FAAH2: variants seen among roughly 807,000 people sequenced by gnomAD.
FAAH2 encodes the protein fatty-acid amide hydrolase 2.
FAAH2 carries 60 observed loss-of-function variants against 36.9 expected under a neutral mutation model. The ratio of observed to expected loss-of-function variants is 1.63; its 90% CI spans 1.32 to 2.02. FAAH2 has a LOEUF of 2.02. Among genes scored for constraint, FAAH2 ranks in the 30% most tolerant of loss-of-function variants. The pLI is 0.00. For missense variants in FAAH2, 689 were observed against 397.5 expected, an observed-to-expected ratio of 1.73 and a Z score of -6.23; for synonymous variants, 214 against 143.8, an observed-to-expected ratio of 1.49 and a Z score of -3.49.
chrX:57,368,504 A>G (rs2054474927), intron 5 of FAAH2, among the ~76,000 whole-genome samples: 1 of 111,444 alleles, frequency 9.0e-6, no homozygotes, highest in Non-Finnish European at 1.9e-5. Context: ...ATGGAACAAC[A>G]CACATATGAA....
At chrX:57,349,334 T>C (rs1264595869) in intron 5 of FAAH2, among the ~76,000 whole-genome samples, 10 of 97,293 alleles carry the variant, frequency 1.0e-4, no homozygotes, top group African/African-American at 3.3e-4. Context: ...TATACACATA[T>C]ATAATGTTTT....
At chrX:57,442,103 G>C (rs981063683) in intron 8 of FAAH2, among the ~76,000 whole-genome samples, 3 of 111,483 alleles carry the variant, frequency 2.7e-5, no homozygotes, top group Non-Finnish European at 5.6e-5. Flanking sequence ...GGGGTGGAGA[G>C]TTCTGTAGAT....
At chrX:57,452,991 T>C (rs1337492188) in intron 10 of FAAH2, among the ~76,000 whole-genome samples, 3 of 111,989 alleles carry the variant, frequency 2.7e-5, no homozygotes, top group Non-Finnish European at 5.6e-5. Context: ...TCCAGACCCA[T>C]GTTACACAGC....
At chrX:57,334,297 C>CACACACACAT (rs2053488100) in intron 4 of FAAH2, among the ~76,000 whole-genome samples, 1 of 109,258 alleles carries the variant, frequency 9.2e-6, no homozygotes, top group East Asian at 2.9e-4. Context: ...CACACACACA[C>CACACACACAT]AAAGATGGGA....
At chrX:57,435,033 T>C (rs1395802935) in intron 8 of FAAH2, among the ~76,000 whole-genome samples, 1 of 111,566 alleles carries the variant, frequency 9.0e-6, no homozygotes, top group Non-Finnish European at 1.9e-5. Context: ...TTAAGCTTCA[T>C]AAATGAAGGA....
chrX:57,123,672 C>T, the FAAH2 span, among the ~76,000 whole-genome samples: 2 of 112,161 alleles, frequency 1.8e-5, no homozygotes, highest in Non-Finnish European at 3.8e-5. Context: ...CTGTTGTTTC[C>T]TTACTTTTTA....
the FAAH2 span, among the ~76,000 whole-genome samples, chrX:57,275,651 T>A: frequency 8.0e-5 from 9 of 111,839 alleles, no homozygotes; most frequent in African/African-American, 2.9e-4. Context: ...AGTCGAGACC[T>A]GCTAGTGTGC....
At chrX:57,220,276 C>T in the FAAH2 span, among the ~76,000 whole-genome samples, 28 of 109,322 alleles carry the variant, frequency 2.6e-4, no homozygotes, top group Admixed American at 6.9e-4. Flanking sequence ...GCTGTATCCA[C>T]TTATTTTTCT....
the FAAH2 span, among the ~76,000 whole-genome samples, chrX:57,182,003 A>G: frequency 8.9e-6 from 1 of 112,096 alleles, no homozygotes; most frequent in Non-Finnish European, 1.9e-5. Flanking sequence ...TCAATAAATG[A>G]TGCTGGGATA....
intron 2 of FAAH2, among the ~76,000 whole-genome samples, chrX:57,302,119 G>C: frequency 9.0e-6 from 1 of 111,595 alleles, no homozygotes; most frequent in Non-Finnish European, 1.9e-5. Flanking sequence ...GAATGACATA[G>C]AAAATGGTCA....
chrX:57,206,890 T>A, the FAAH2 span, among the ~76,000 whole-genome samples: 1 of 111,824 alleles, frequency 8.9e-6, no homozygotes, highest in South Asian at 3.7e-4. Context: ...GGGGAAAATA[T>A]TGGAACTATG....
chrX:57,346,356 C>T (rs1035800919), intron 5 of FAAH2, among the ~76,000 whole-genome samples: 19 of 111,508 alleles, frequency 1.7e-4, no homozygotes, highest in Admixed American at 1.9e-4. Flanking sequence ...GAATTGAATC[C>T]TCTATCATTA....
the FAAH2 span, among the ~76,000 whole-genome samples, chrX:57,128,554 G>A: frequency 9.0e-6 from 1 of 111,395 alleles, no homozygotes; most frequent in Admixed American, 9.6e-5. Context: ...TGCAGAGACT[G>A]ATGAAGTGAA....
intron 7 of FAAH2, among the ~76,000 whole-genome samples, chrX:57,420,288 C>T (rs750691247): frequency 3.0e-4 from 33 of 111,245 alleles, no homozygotes; most frequent in African/African-American, 9.1e-4. Context: ...GGGATGGCAT[C>T]GAATCTATAA....
chrX:57,205,110 G>A, the FAAH2 span, among the ~76,000 whole-genome samples: 1 of 112,411 alleles, frequency 8.9e-6, no homozygotes, highest in African/African-American at 3.2e-5. Flanking sequence ...TCTCAAATGA[G>A]GGAATATGTG....
At chrX:57,192,482 C>A in the FAAH2 span, among the ~76,000 whole-genome samples, 1 of 111,696 alleles carries the variant, frequency 9.0e-6, no homozygotes, top group South Asian at 3.7e-4. Flanking sequence ...ATTTCTAGTA[C>A]TATGTTGAGT....
the FAAH2 span, among the ~76,000 whole-genome samples, chrX:57,183,244 A>G: frequency 5.4e-5 from 6 of 111,823 alleles, no homozygotes; most frequent in Non-Finnish European, 1.1e-4. Flanking sequence ...ATTACAAAAA[A>G]AGTAGTTTAA....
At chrX:57,474,172 T>A (rs939263883) in intron 10 of FAAH2, among the ~76,000 whole-genome samples, 3 of 111,855 alleles carry the variant, frequency 2.7e-5, no homozygotes, top group African/African-American at 9.7e-5. Flanking sequence ...TAAGCATTTT[T>A]TGTATGTCCA....
At chrX:57,282,020 C>T (rs1452765583), upstream of FAAH2, among the ~76,000 whole-genome samples, 1 of 111,907 alleles carries the variant, frequency 8.9e-6, no homozygotes, top group Non-Finnish European at 1.9e-5. Context: ...AATAGGGCTG[C>T]AAAGAACATA....
Sources: allele counts gnomAD v4.1 joint callset (sites outside exome capture counted in the v4.1 genomes callset), GRCh38; gene constraint gnomAD v4.1.1; transcripts MANE v1.5; gene names NCBI Gene and HGNC (gene_info 2026-07-23, HGNC 2026-07-21).